CCDC18: variants seen among roughly 807,000 people sequenced by gnomAD.
CCDC18 encodes coiled-coil domain-containing protein 18.
Under a neutral mutation model 196.0 loss-of-function variants are expected in CCDC18, and 157 were observed. The observed-to-expected ratio is 0.80, with a 90% CI of 0.70 to 0.91. CCDC18 has a LOEUF of 0.91. Ranked by LOEUF, CCDC18 falls within the 40% of genes least tolerant of loss-of-function variation. CCDC18 has a pLI of 0.00. For missense variants in CCDC18, 1,465 were observed against 1,611.6 expected (o/e 0.91, Z 1.56); for synonymous variants, 482 against 529.2 (o/e 0.91, Z 1.22).
intron 27 of CCDC18, among the ~76,000 whole-genome samples, chr1:93,267,732 G>A (rs191431742): frequency 1.3e-5 from 2 of 152,182 alleles, no homozygotes; most frequent in East Asian, 1.9e-4. Context: ...AACTTACAAG[G>A]GATGTGAAGG....
intron 11 of CCDC18, among the ~76,000 whole-genome samples, chr1:93,214,042 A>G (rs1310351046): frequency 6.6e-6 from 1 of 151,988 alleles, no homozygotes; most frequent in Non-Finnish European, 1.5e-5. Context: ...GGAGTGGGAG[A>G]TGTGTATGTT....
intron 26 of CCDC18, among the ~76,000 whole-genome samples, chr1:93,259,315 TTTC>T (rs1197006369): frequency 6.6e-6 from 1 of 152,230 alleles, no homozygotes; most frequent in Non-Finnish European, 1.5e-5. Flanking sequence ...ATTTTCAGCA[TTTC>T]TTCTTATAAT....
At position 93,180,737 on chromosome 1, in the gene CCDC18, T is replaced by G. The variant is rs1649441575; in HGVS notation, c.-118T>G. 1 of 1,366,412 alleles carries G rather than the reference T, an allele frequency of 7.3e-7. No individual in the cohort carries two copies. The highest frequency in any genetic ancestry group is 1.9e-5 in the Admixed American group (1 of 52,550). The allele number at this position is 1,366,412 out of a possible 1,614,324, so 84.6% of individuals were successfully genotyped here. A position where few individuals can be genotyped will look rare whatever the true frequency, so the allele number is the denominator to read the frequency against. On this transcript the variant is annotated 5_prime_UTR_variant, in exon 1 of 29. Coordinates refer to ENST00000690025, the MANE Select transcript of CCDC18 (RefSeq NM_001378204.1). ...GGCTCCCGCGGCGGTTCGAATTCTG[T>G]GCTGCCGGGGTTCGCTGGTTCTCCG...
chr1:93,217,984 A>G, intron 14 of CCDC18, 115 bp downstream of exon 14: 1 of 807,374 alleles, frequency 1.2e-6, no homozygotes, highest in Non-Finnish European at 2.0e-6. Context: ...TAGTGGCAAG[A>G]GCTGTAATTA....
chr1:93,189,685 C>T (rs575056669), intron 4 of CCDC18, among the ~76,000 whole-genome samples: 47 of 151,848 alleles, frequency 3.1e-4, no homozygotes, highest in African/African-American at 9.9e-4. Flanking sequence ...TTTTTTGAGA[C>T]AAGGTCTTGC....
At chr1:93,180,489 G>A (rs745885936), upstream of CCDC18, 7 of 1,527,934 alleles carry the variant, frequency 4.6e-6, no homozygotes, top group Middle Eastern at 1.8e-4. Context: ...CAGGCCAGGC[G>A]TGAGCGCCGC....
chr1:93,256,550 T>G lies in CCDC18; in HGVS notation c.3546+12T>G. On this transcript the variant is annotated intron_variant, in intron 25 of 28. Coordinates refer to ENST00000690025, the MANE Select transcript of CCDC18 (RefSeq NM_001378204.1). ...TCTCTAAAGAGAAAGTAATCCCTAT[T>G]TTAAATAATCTTATGTATCTGAAAT... 1 of 1,590,890 alleles carries G rather than the reference T, an allele frequency of 6.3e-7. No homozygotes were observed. The highest frequency in any genetic ancestry group is 1.3e-5 in the African/African-American group (1 of 74,464).
chr1:93,270,839 T>C (rs1314034764), intron 28 of CCDC18, 25 bp downstream of exon 28: 1 of 1,377,904 alleles, frequency 7.3e-7, no homozygotes, highest in Admixed American at 3.1e-5. Flanking sequence ...CACTGTAAAC[T>C]GTAATAATTT....
intron 27 of CCDC18, among the ~76,000 whole-genome samples, chr1:93,268,349 T>G (rs1664794091): frequency 1.3e-5 from 2 of 152,180 alleles, no homozygotes; most frequent in Non-Finnish European, 2.9e-5. Context: ...GCAATACCAT[T>G]GCCTAGGCAT....
chr1:93,264,388 C>T (rs1225699372), intron 26 of CCDC18, among the ~76,000 whole-genome samples: 1 of 152,192 alleles, frequency 6.6e-6, no homozygotes, highest in Non-Finnish European at 1.5e-5. Flanking sequence ...TTAATATCAT[C>T]AAATACCCAA....
Position 93,212,097 on chromosome 1 carries a change from C to T in CCDC18, c.1335-4C>T. On this transcript the variant is annotated splice_region_variant and splice_polypyrimidine_tract_variant and intron_variant, in intron 10 of 28. Transcript: ENST00000690025. ...AATTTTTCCCTTCTTTTCTTTTGTGCCAGAATTAAGCTTGCAATAAAAGAG... is the reference window on the plus strand; with the variant it reads ...AATTTTTCCCTTCTTTTCTTTTGTGTCAGAATTAAGCTTGCAATAAAAGAG... 6.3e-7 allele frequency: 1 copy of T among 1,587,408 alleles called. No individual in the cohort carries two copies. The highest frequency in any genetic ancestry group is 1.9e-5 in the Admixed American group (1 of 53,254).
At chr1:93,203,190 A>G (rs1174190426) in intron 7 of CCDC18, among the ~76,000 whole-genome samples, 1 of 152,174 alleles carries the variant, frequency 6.6e-6, no homozygotes, top group Non-Finnish European at 1.5e-5. Context: ...GGATCTAGTG[A>G]CCACTTGAAT....
chr1:93,220,249 G>A (rs1657186612), intron 14 of CCDC18, among the ~76,000 whole-genome samples: 1 of 151,992 alleles, frequency 6.6e-6, no homozygotes, highest in Non-Finnish European at 1.5e-5. Flanking sequence ...AATGCTGAAA[G>A]AGAAAAAAAC....
At chr1:93,270,906 AACT>A in intron 28 of CCDC18, 92 bp downstream of exon 28, 2 of 1,388,450 alleles carry the variant, frequency 1.4e-6, no homozygotes, top group Non-Finnish European at 1.9e-6. Flanking sequence ...TTAAATGAAA[AACT>A]ACTAATATTT....
At chr1:93,266,515 A>T (rs1452570809) in intron 27 of CCDC18, among the ~76,000 whole-genome samples, 2 of 152,232 alleles carry the variant, frequency 1.3e-5, no homozygotes, top group African/African-American at 4.8e-5. Flanking sequence ...GCTGGTTTTT[A>T]GAAAAGATCA....
chr1:93,201,929 G>A lies in CCDC18; in HGVS notation c.736G>A (p.Glu246Lys), dbSNP rs559419360. Reference sequence around the variant, plus strand: ...AAGGAATGAAGCACTATATAATGCCGAAGAGCTGAGTAAAGCTTTCCAACA... The same window carrying A: ...AAGGAATGAAGCACTATATAATGCCAAAGAGCTGAGTAAAGCTTTCCAACA... ...RQRNEALYNA[E>K]ELSKAFQQYK... Residue 246 changes from glutamate (E) to lysine (K), a missense_variant, in exon 7 of 29, where the codon GAA becomes AAA. Glu to Lys is a moderately conservative substitution (Grantham distance 56). Transcript: ENST00000690025. 3.5e-5 allele frequency: 57 copies of A among 1,607,608 alleles called. No homozygotes were observed. The highest frequency in any genetic ancestry group is 1.1e-4 in the East Asian group (5 of 44,538).
Position 93,270,758 on chromosome 1 carries a change from AAAG to A in CCDC18, c.4301_4303del (p.Glu1434del), listed in dbSNP as rs1266435778. The A allele has an allele frequency of 2.8e-5, 44 of 1,548,416 alleles. No individual in the cohort carries two copies. The highest frequency in any genetic ancestry group is 8.7e-7 in the Non-Finnish European group (1 of 1,146,362). On this transcript the variant is annotated inframe_deletion, in exon 28 of 29. Coordinates refer to ENST00000690025, the MANE Select transcript of CCDC18 (RefSeq NM_001378204.1). ...TAGTGGGATGCTAAGATACATAAAC[AAAG>A]AAGTAAGACTATTAAAAAAGTCTTC...
upstream of CCDC18, chr1:93,180,695 GGTAGGCGCGTCC>G (rs535217917): frequency 1.1e-4 from 152 of 1,354,638 alleles, no homozygotes; most frequent in East Asian, 6.7e-3. Context: ...GCAGTGACCG[GGTAGGCGCGTCC>G]CAACGGCTCC....
intron 20 of CCDC18, 34 bp downstream of exon 20, chr1:93,239,507 T>C (rs747704590): frequency 1.9e-6 from 3 of 1,577,256 alleles, no homozygotes; most frequent in East Asian, 2.2e-5. Flanking sequence ...TAGCTGCCTA[T>C]GTATTTGTAC....
Sources: gnomAD v4.1 joint callset for allele counts (sites outside exome capture counted in the v4.1 genomes callset) on GRCh38, gnomAD v4.1.1 for gene constraint, MANE v1.5 for transcripts, NCBI Gene and HGNC (gene_info 2026-07-23, HGNC 2026-07-21) for gene names.